Variants in DNAH9 observed in about 807,000 individuals in gnomAD.
The protein encoded by DNAH9 is dynein axonemal heavy chain 9.
DNAH9 carries 345 observed loss-of-function variants against 471.6 expected under a neutral mutation model. The ratio of observed to expected loss-of-function variants is 0.73; its 90% CI spans 0.67 to 0.80. DNAH9 has a LOEUF of 0.80. Ranked by LOEUF, DNAH9 falls within the 30% of genes least tolerant of loss-of-function variation. The pLI is 0.00. For synonymous variants in DNAH9, 2,093 were observed against 2,123.6 expected, an observed-to-expected ratio of 0.99 and a Z score of 0.40; for missense variants, 5,407 against 5,609.2, an observed-to-expected ratio of 0.96 and a Z score of 1.15.
rs996263821 is a variant in DNAH9, at chr17:11,662,821, T to C, written c.2596-2012T>C. ...CCCAGGCTGGAGTGCAGTGGCGGGA[T>C]CTCGGCTCACTGCAAGCTCCGCCTC... On this transcript the variant is annotated intron_variant, in intron 14 of 68. Coordinates refer to ENST00000262442, the MANE Select transcript of DNAH9 (RefSeq NM_001372.4). Among the ~76,000 whole-genome samples the C allele has an allele frequency of 1.7e-4, 21 of 124,284 alleles. No individual in the cohort carries two copies. The Admixed American group carries it at 2.3e-3, about 13-fold the overall frequency. The allele number at this position is 124,284 out of a possible 152,430, so 81.5% of individuals were successfully genotyped here.
rs779051426 is a variant in DNAH9 at position 11,923,854 on chromosome 17, C to T, written c.11790C>T (p.His3930=). 4 of 1,614,068 alleles carry T rather than the reference C, an allele frequency of 2.5e-6. No individual in the cohort carries two copies. In the Admixed American group the frequency reaches 6.7e-5, roughly 27 times the overall value. Residue 3930 remains histidine (H), a synonymous_variant, in exon 62 of 69, where the codon CAC becomes CAT. Transcript: ENST00000262442. The part of the protein sequence containing the change: ...LGYTFNNQNF[H]NVSLGQGQEV... Reference sequence around the variant, plus strand: ...ACACCTTCAACAATCAGAACTTTCACAACGTGTCTTTGGGGCAAGGACAGG... The same window carrying T: ...ACACCTTCAACAATCAGAACTTTCATAACGTGTCTTTGGGGCAAGGACAGG...
At chr17:11,666,331 C>T (rs975802121) in intron 15 of DNAH9, among the ~76,000 whole-genome samples, 1 of 152,180 alleles carries the variant, frequency 6.6e-6, no homozygotes, top group Non-Finnish European at 1.5e-5. Flanking sequence ...TGACTTCATC[C>T]TTGACCAATG....
At chr17:11,956,704 A>G (rs1435131574) in intron 67 of DNAH9, among the ~76,000 whole-genome samples, 2 of 152,034 alleles carry the variant, frequency 1.3e-5, no homozygotes, top group African/African-American at 4.8e-5. Context: ...TAAATAGCAT[A>G]TTTCTAAATA....
At chr17:11,779,053 G>A (rs1352757916) in intron 38 of DNAH9, among the ~76,000 whole-genome samples, 1 of 152,094 alleles carries the variant, frequency 6.6e-6, no homozygotes, top group African/African-American at 2.4e-5. Context: ...TAAGATGGCA[G>A]TGCAATAGTA....
At chr17:11,736,660 T>G (rs1416400328) in intron 28 of DNAH9, among the ~76,000 whole-genome samples, 5 of 152,180 alleles carry the variant, frequency 3.3e-5, no homozygotes, top group Non-Finnish European at 2.9e-5. Flanking sequence ...GCACCGATGC[T>G]CCAACATTAA....
In DNAH9 at chr17:11,781,112, G is replaced by T; in HGVS notation, c.7656G>T (p.Val2552=). Reference sequence around the variant, plus strand: ...TTGATGACATGAACATGCCTGAGGTGGATGCCTACGGGACGGTGCAGCCCC... The same window carrying T: ...TTGATGACATGAACATGCCTGAGGTTGATGCCTACGGGACGGTGCAGCCCC... The part of the protein sequence containing the change: ...YFIDDMNMPE[V]DAYGTVQPHT... The change falls in exon 39 of 69, where the codon GTG becomes GTT. Residue 2552 remains valine, a synonymous_variant. Transcript: ENST00000262442. 1 of 1,614,182 alleles carries T rather than the reference G, an allele frequency of 6.2e-7. No individual in the cohort carries two copies. Among genetic ancestry groups the T allele is most frequent in the African/African-American group, 1.3e-5 (1 of 75,058 alleles).
intron 50 of DNAH9, among the ~76,000 whole-genome samples, chr17:11,866,991 G>A (rs533030192): frequency 7.2e-5 from 11 of 152,312 alleles, no homozygotes; most frequent in East Asian, 1.9e-4. Context: ...GCAATGCCTC[G>A]CCCTGCTTCA....
intron 68 of DNAH9, among the ~76,000 whole-genome samples, chr17:11,965,702 C>A (rs927966632): frequency 3.9e-5 from 6 of 152,074 alleles, no homozygotes; most frequent in African/African-American, 1.4e-4. Flanking sequence ...CCAAAAGAAA[C>A]CATGTCTAAA....
intron 10 of DNAH9, among the ~76,000 whole-genome samples, chr17:11,641,462 GT>G (rs1418155856): frequency 6.6e-6 from 1 of 152,114 alleles, no homozygotes; most frequent in Non-Finnish European, 1.5e-5. Context: ...ATCTGCTTGG[GT>G]GTGGGCGAGA....
intron 67 of DNAH9, among the ~76,000 whole-genome samples, chr17:11,949,074 GCTTTTAA>G (rs1346431729): frequency 2.6e-5 from 4 of 152,196 alleles, no homozygotes; most frequent in Non-Finnish European, 4.4e-5. Flanking sequence ...ACAAATCCAA[GCTTTTAA>G]CAGGCTCCCT....
At chr17:11,654,789 T>C (rs555128172) in intron 14 of DNAH9, among the ~76,000 whole-genome samples, 85 of 152,182 alleles carry the variant, frequency 5.6e-4, no homozygotes, top group Non-Finnish European at 9.0e-4. Flanking sequence ...GATACTTTCA[T>C]TATCATTTTA....
rs368759713 is a variant in DNAH9 at position 11,797,704 on chromosome 17, G to A, written c.8331G>A (p.Leu2777=). 8 of 1,614,042 alleles carry A rather than the reference G, an allele frequency of 5.0e-6. No individual in the cohort carries two copies. Among genetic ancestry groups the A allele is most frequent in the Non-Finnish European group, 6.8e-6 (8 of 1,180,034 alleles). Residue 2777 remains leucine, a synonymous_variant, in exon 43 of 69, where the codon TTG becomes TTA. Transcript: ENST00000262442. ...TGCCTGTACAGTCTTGGGAACTTTTGACCCAGACTCTGGTGGAGGCCTTGG... is the reference window on the plus strand; with the variant it reads ...TGCCTGTACAGTCTTGGGAACTTTTAACCCAGACTCTGGTGGAGGCCTTGG... The part of the protein sequence containing the change: ...KYMPVQSWEL[L]TQTLVEALEN...
At chr17:11,823,614 A>G (rs1433964279) in intron 48 of DNAH9, among the ~76,000 whole-genome samples, 2 of 152,162 alleles carry the variant, frequency 1.3e-5, no homozygotes, top group Non-Finnish European at 2.9e-5. Context: ...ATCTATCTCT[A>G]TCTGAGTAGT....
chr17:11,762,031 A>T (rs1424932953), intron 35 of DNAH9, among the ~76,000 whole-genome samples: 1 of 144,968 alleles, frequency 6.9e-6, no homozygotes, highest in South Asian at 2.2e-4. Context: ...GAGTTGTGTT[A>T]TATCCGTCTG....
intron 10 of DNAH9, among the ~76,000 whole-genome samples, chr17:11,643,404 G>A (rs182089881): frequency 6.5e-4 from 99 of 152,222 alleles, no homozygotes; most frequent in African/African-American, 2.2e-3. Context: ...GTTCTAGATG[G>A]ATTTCAGAAA....
chr17:11,928,122 T>TATTTATTTATTC (rs376627377), intron 62 of DNAH9, among the ~76,000 whole-genome samples: 7 of 133,636 alleles, frequency 5.2e-5, no homozygotes, highest in African/African-American at 1.3e-4. Flanking sequence ...TTTATTTATT[T>TATTTATTTATTC]ATTCATTCAT....
chr17:11,767,856 C>T (rs530738358), intron 36 of DNAH9, among the ~76,000 whole-genome samples: 56 of 152,158 alleles, frequency 3.7e-4, no homozygotes, highest in Admixed American at 9.8e-4. Flanking sequence ...CTGTCTCCCC[C>T]ACTGCTCCTA....
At chr17:11,913,520 T>C (rs1004660135) in intron 61 of DNAH9, among the ~76,000 whole-genome samples, 4 of 152,148 alleles carry the variant, frequency 2.6e-5, no homozygotes, top group Non-Finnish European at 4.4e-5. Flanking sequence ...CGGTGGCTCA[T>C]GCCTATAATC....
chr17:11,962,224 C>A lies in DNAH9; in HGVS notation c.13201C>A (p.Leu4401Ile). The change falls in exon 68 of 69, where the codon CTC (leucine) becomes ATC (isoleucine). Residue 4401 changes from leucine to isoleucine, a missense_variant. Coordinates refer to ENST00000262442, the MANE Select transcript of DNAH9 (RefSeq NM_001372.4). This position sits in a 1 kb window ranked among gnomAD's most constrained non-coding sequence, Gnocchi z 4.1. ...PPREGAYIHG[L>I]FMEGACWDTQ... ...TCGGGAAGGGGCCTACATCCATGGC[C>A]TCTTCATGGAAGGTGCCTGCTGGGA... The A allele has an allele frequency of 6.2e-7, 1 of 1,612,296 alleles. No homozygotes were observed. The highest frequency in any genetic ancestry group is 8.5e-7 in the Non-Finnish European group (1 of 1,179,268).
Sources: gnomAD v4.1 joint callset for allele counts (sites outside exome capture counted in the v4.1 genomes callset) on GRCh38, gnomAD v4.1.1 for gene constraint, Gnocchi (gnomAD v3.1) non-coding constraint, MANE v1.5 for transcripts, NCBI Gene and HGNC (gene_info 2026-07-23, HGNC 2026-07-21) for gene names.